CSMD1: variants seen among roughly 807,000 people sequenced by gnomAD.
The protein encoded by CSMD1 is CUB and sushi domain-containing protein 1.
CSMD1 carries 213 observed loss-of-function variants against 417.5 expected under a neutral mutation model. The ratio of observed to expected loss-of-function variants is 0.51; its 90% CI spans 0.46 to 0.57. CSMD1 has a LOEUF of 0.57. Ranked by LOEUF, CSMD1 falls within the 20% of genes least tolerant of loss-of-function variation. The pLI is 0.00. For missense variants in CSMD1, 6,923 were observed against 4,529.7 expected, an observed-to-expected ratio of 1.53 and a Z score of -15.17; for synonymous variants, 2,862 against 1,736.8, an observed-to-expected ratio of 1.65 and a Z score of -16.11.
At chr8:4,419,708 C>T (rs1008070047) in intron 3 of CSMD1, among the ~76,000 whole-genome samples, 1 of 152,056 alleles carries the variant, frequency 6.6e-6, no homozygotes, top group Non-Finnish European at 1.5e-5. Flanking sequence ...TACAAATTAA[C>T]CAAAACAAAA....
At chr8:3,130,320 C>T (rs1016779627) in intron 41 of CSMD1, among the ~76,000 whole-genome samples, 1 of 152,024 alleles carries the variant, frequency 6.6e-6, no homozygotes, top group Non-Finnish European at 1.5e-5. Context: ...TCACATTATT[C>T]AAATTGTACG....
chr8:3,330,280 A>T (rs960415539), intron 23 of CSMD1, among the ~76,000 whole-genome samples: 3 of 152,246 alleles, frequency 2.0e-5, no homozygotes, highest in African/African-American at 7.2e-5. Flanking sequence ...GTTCTACCAT[A>T]AAGACATACT....
chr8:3,530,369 G>C (rs1007835745), intron 10 of CSMD1, among the ~76,000 whole-genome samples: 3 of 152,070 alleles, frequency 2.0e-5, no homozygotes, highest in Non-Finnish European at 2.9e-5. Context: ...ATTTTCATTT[G>C]TCTCAAGGAA....
chr8:3,553,169 A>G (rs1456875886), intron 10 of CSMD1, among the ~76,000 whole-genome samples: 1 of 152,154 alleles, frequency 6.6e-6, no homozygotes, highest in Non-Finnish European at 1.5e-5. Context: ...ATCTTTCATC[A>G]GTTTCAGGCT....
chr8:3,294,894 A>G lies in CSMD1; in HGVS notation c.3951-10548T>C, dbSNP rs139360471. 8.7e-4 allele frequency among the ~76,000 whole-genome samples: 133 copies of G among 152,050 alleles called. 1 individual carries two copies. The highest frequency in any genetic ancestry group is 3.1e-3 in the African/African-American group (129 of 41,458). On this transcript the variant is annotated intron_variant, in intron 25 of 69. Coordinates refer to ENST00000635120, the MANE Select transcript of CSMD1 (RefSeq NM_033225.6). ...CGGTACCTTAGTTGGAAATGGAGAA[A>G]TCGCCCGTCTTCTGCGTCATTCATG...
At chr8:4,590,588 T>C (rs1443466553) in intron 2 of CSMD1, among the ~76,000 whole-genome samples, 1 of 152,072 alleles carries the variant, frequency 6.6e-6, no homozygotes, top group Non-Finnish European at 1.5e-5. Context: ...ATTAGAAATA[T>C]ACTATTTAAA....
intron 2 of CSMD1, among the ~76,000 whole-genome samples, chr8:4,435,910 C>T (rs777736476): frequency 1.2e-4 from 19 of 152,246 alleles, no homozygotes; most frequent in South Asian, 6.2e-4. Flanking sequence ...GTAGATTTGA[C>T]GGAAAATAAT....
intron 49 of CSMD1, among the ~76,000 whole-genome samples, chr8:3,084,465 G>A (rs1045931537): frequency 1.4e-5 from 2 of 148,096 alleles, no homozygotes; most frequent in Non-Finnish European, 3.0e-5. Context: ...AGAAGTTGCC[G>A]TGAGCCGAGA....
At chr8:4,848,407 G>A (rs1355515239) in intron 1 of CSMD1, among the ~76,000 whole-genome samples, 1 of 152,220 alleles carries the variant, frequency 6.6e-6, no homozygotes, top group Non-Finnish European at 1.5e-5. Context: ...CTATGAGCTA[G>A]TAATGGCCTA....
intron 5 of CSMD1, among the ~76,000 whole-genome samples, chr8:3,785,109 C>T (rs1235202381): frequency 6.6e-6 from 1 of 152,146 alleles, no homozygotes; most frequent in Non-Finnish European, 1.5e-5. Context: ...AATTTGAATC[C>T]TGGTCCTACC....
At chr8:3,872,602 C>G (rs1805549718) in intron 5 of CSMD1, among the ~76,000 whole-genome samples, 1 of 152,250 alleles carries the variant, frequency 6.6e-6, no homozygotes, top group Non-Finnish European at 1.5e-5. Flanking sequence ...AAAAGGCATT[C>G]ATTTCATGTC....
At chr8:4,581,917 C>G (rs1396088390) in intron 2 of CSMD1, among the ~76,000 whole-genome samples, 1 of 152,154 alleles carries the variant, frequency 6.6e-6, no homozygotes, top group Non-Finnish European at 1.5e-5. Flanking sequence ...CAACTTGAGT[C>G]TCACAGTACA....
At chr8:3,197,606 C>G (rs942341835) in intron 33 of CSMD1, among the ~76,000 whole-genome samples, 1 of 151,726 alleles carries the variant, frequency 6.6e-6, no homozygotes, top group Non-Finnish European at 1.5e-5. Context: ...GCTGGGACTA[C>G]AGGTGCCCGC....
chr8:3,494,236 T>C (rs1258549606), intron 10 of CSMD1, among the ~76,000 whole-genome samples: 1 of 151,894 alleles, frequency 6.6e-6, no homozygotes, highest in Non-Finnish European at 1.5e-5. Flanking sequence ...CCTGTAAGTT[T>C]TTTGTTTGTT....
chr8:4,417,093 C>T (rs1201176064), intron 3 of CSMD1, among the ~76,000 whole-genome samples: 1 of 151,954 alleles, frequency 6.6e-6, no homozygotes, highest in African/African-American at 2.4e-5. Flanking sequence ...CTATATTTAG[C>T]AGTTAAAATG....
At chr8:2,973,551 G>T (rs1458325066) in intron 56 of CSMD1, among the ~76,000 whole-genome samples, 1 of 151,952 alleles carries the variant, frequency 6.6e-6, no homozygotes, top group African/African-American at 2.4e-5. Flanking sequence ...AATAAACGAC[G>T]TTTCCTTTGG....
At chr8:3,642,030 G>T (rs995677313) in intron 7 of CSMD1, among the ~76,000 whole-genome samples, 3 of 152,092 alleles carry the variant, frequency 2.0e-5, no homozygotes, top group African/African-American at 7.2e-5. Context: ...CACCACATCT[G>T]CAAACCTTGA....
chr8:3,973,575 T>TA (rs1563271360), intron 5 of CSMD1, among the ~76,000 whole-genome samples: 1 of 152,284 alleles, frequency 6.6e-6, no homozygotes, highest in East Asian at 1.9e-4. Flanking sequence ...TCTAGAATTT[T>TA]AAAAAAGAAG....
chr8:3,524,702 AC>A (rs1797682272), intron 10 of CSMD1, among the ~76,000 whole-genome samples: 1 of 151,612 alleles, frequency 6.6e-6, no homozygotes, highest in Non-Finnish European at 1.5e-5. Flanking sequence ...AGAGACGTGC[AC>A]ACACAAGCAC....
Sources: gnomAD v4.1 joint callset for allele counts (sites outside exome capture counted in the v4.1 genomes callset) on GRCh38, gnomAD v4.1.1 for gene constraint, MANE v1.5 for transcripts, NCBI Gene and HGNC (gene_info 2026-07-23, HGNC 2026-07-21) for gene names.